RASGRF1: variants seen among roughly 807,000 people sequenced by gnomAD.
RASGRF1 encodes the protein ras-specific guanine nucleotide-releasing factor 1.
RASGRF1 carries 40 observed loss-of-function variants against 138.7 expected under a neutral mutation model. The observed-to-expected ratio is 0.29, with a 90% confidence interval of 0.22 to 0.38. The LOEUF (loss-of-function observed/expected upper bound fraction) is 0.38, where lower values mean the gene tolerates loss of function less well. Among genes scored for constraint, RASGRF1 ranks in the 10% least tolerant of loss-of-function variants. The pLI is 1.00. For synonymous variants in RASGRF1, 614 were observed against 663.2 expected (o/e 0.93, Z 1.14); for missense variants, 1,108 against 1,650.4 (o/e 0.67, Z 5.69).
rs544216078 is a variant in RASGRF1, at chr15:79,022,223, T to C, written c.1543-2119A>G. On this transcript the variant is annotated intron_variant, in intron 10 of 26. Coordinates refer to ENST00000558480, the MANE Select transcript of RASGRF1 (RefSeq NM_001145648.3). ...GGGAGGCTGAGGCTGGTGGATCACC[T>C]GAGGTCAGGAGTTTGAGACCAGCCT... Among the ~76,000 whole-genome samples the C allele has an allele frequency of 2.0e-5, 3 of 152,214 alleles. No individual in the cohort carries two copies. In the South Asian group the frequency reaches 6.2e-4, roughly 32 times the overall value.
chr15:79,002,432 A>G (rs969365996), intron 15 of RASGRF1, among the ~76,000 whole-genome samples: 1 of 152,198 alleles, frequency 6.6e-6, no homozygotes, highest in Non-Finnish European at 1.5e-5. Context: ...TTACCCACGT[A>G]GAAAGTGGAT....
intron 15 of RASGRF1, among the ~76,000 whole-genome samples, chr15:79,002,082 G>A (rs1216137044): frequency 6.6e-6 from 1 of 152,206 alleles, no homozygotes; most frequent in East Asian, 1.9e-4. Flanking sequence ...GGGGTCTCAG[G>A]CAGGGCCTGA....
intron 1 of RASGRF1, among the ~76,000 whole-genome samples, chr15:79,069,485 G>A (rs2057726037): frequency 6.6e-6 from 1 of 152,202 alleles, no homozygotes; most frequent in African/African-American, 2.4e-5. Context: ...AATAAGTGGA[G>A]CCCTGGGAGT....
intron 23 of RASGRF1, chr15:78,981,427 T>A (rs114048709): frequency 0.041 from 6,302 of 152,198 alleles, 211 homozygotes; most frequent in African/African-American, 0.078. Flanking sequence ...AATGGTGAGA[T>A]AGGTTAGAGA....
rs2055554514 is a variant in RASGRF1, at chr15:78,962,064, TC to T, written c.*79del. 2.3e-6 allele frequency: 2 copies of T among 870,506 alleles called. No individual in the cohort carries two copies. The highest frequency in any genetic ancestry group is 2.7e-4 in the Middle Eastern group (1 of 3,760). The allele number at this position is 870,506 out of a possible 1,614,324, so 53.9% of individuals were successfully genotyped here. A position where few individuals can be genotyped will look rare whatever the true frequency, so the allele number is the denominator to read the frequency against. On this transcript the variant is annotated 3_prime_UTR_variant, in exon 27 of 27. Transcript: ENST00000558480. ...GAGAAGCACATACTGAAGAAGAAAA[TC>T]CAGTGAAACCAAACGAATATGTACA...
At chr15:79,044,052 C>T (rs1412798746) in intron 5 of RASGRF1, among the ~76,000 whole-genome samples, 2 of 152,208 alleles carry the variant, frequency 1.3e-5, no homozygotes, top group African/African-American at 4.8e-5. Context: ...ATGTGCTGGG[C>T]AGTCATGCCT....
At chr15:78,982,391 G>A (rs562614429) in intron 23 of RASGRF1, among the ~76,000 whole-genome samples, 1 of 152,144 alleles carries the variant, frequency 6.6e-6, no homozygotes, top group East Asian at 1.9e-4. Context: ...TTGTCATGCT[G>A]TCTCCAGGAA....
intron 26 of RASGRF1, among the ~76,000 whole-genome samples, chr15:78,969,607 T>G (rs1350059501): frequency 6.6e-6 from 1 of 152,008 alleles, no homozygotes; most frequent in Non-Finnish European, 1.5e-5. Context: ...AGGCAGAGGT[T>G]GCAGTGAACT....
At chr15:79,076,222 G>A (rs184524009) in intron 1 of RASGRF1, among the ~76,000 whole-genome samples, 6 of 144,610 alleles carry the variant, frequency 4.1e-5, no homozygotes, top group South Asian at 2.4e-4. Context: ...ACACATTAGC[G>A]ATGTCTGGGA....
At chr15:79,075,691 T>A (rs1243168489) in intron 1 of RASGRF1, among the ~76,000 whole-genome samples, 1 of 151,886 alleles carries the variant, frequency 6.6e-6, no homozygotes, top group Admixed American at 6.6e-5. Flanking sequence ...TTCCTGGGGG[T>A]GTGGCACTTT....
At chr15:79,035,082 C>T (rs757165255) in intron 6 of RASGRF1, 49 bp downstream of exon 6, 13 of 1,512,882 alleles carry the variant, frequency 8.6e-6, no homozygotes, top group Non-Finnish European at 7.2e-6. Context: ...TTGGGGTGGC[C>T]CCTGGAGGGG....
Position 78,995,916 on chromosome 15 carries a change from A to G in RASGRF1, c.2967-116T>C, listed in dbSNP as rs2056382565. ...ACGCCCCTCTGTCCTCGTCATCCCC[A>G]TTGCCAGGAGCACCCTTTCCCCTTC... On this transcript the variant is annotated intron_variant, in intron 19 of 26. Coordinates refer to ENST00000558480, the MANE Select transcript of RASGRF1 (RefSeq NM_001145648.3). 4.2e-6 allele frequency: 4 copies of G among 954,756 alleles called. No individual in the cohort carries two copies. In the South Asian group the frequency reaches 5.6e-5, roughly 13 times the overall value. The allele number at this position is 954,756 out of a possible 1,614,324, so 59.1% of individuals were successfully genotyped here.
At chr15:79,010,915 C>A (rs1198276212) in intron 13 of RASGRF1, among the ~76,000 whole-genome samples, 2 of 152,172 alleles carry the variant, frequency 1.3e-5, no homozygotes, top group Non-Finnish European at 2.9e-5. Flanking sequence ...ATGTTAGGGG[C>A]TGGTGGGAGT....
In RASGRF1 at chr15:78,975,109, G is replaced by A. The variant is rs146806095; in HGVS notation, c.3495-1689C>T. 2.4e-3 allele frequency among the ~76,000 whole-genome samples: 360 copies of A among 152,258 alleles called. 3 individuals carry two copies. Among genetic ancestry groups the A allele is most frequent in the African/African-American group, 8.0e-3 (334 of 41,552 alleles). On this transcript the variant is annotated intron_variant, in intron 24 of 26. Transcript: ENST00000558480. ...AATTTTTAAAAAGTGAAAAAGGGCCGAGTGGTGGCTCACTCCTGTAATCCC... is the reference window on the plus strand; with the variant it reads ...AATTTTTAAAAAGTGAAAAAGGGCCAAGTGGTGGCTCACTCCTGTAATCCC...
chr15:79,058,860 G>C (rs1226667034), intron 2 of RASGRF1, among the ~76,000 whole-genome samples: 1 of 152,212 alleles, frequency 6.6e-6, no homozygotes, highest in Non-Finnish European at 1.5e-5. Context: ...AGGTTTTTAA[G>C]TTTTTCCAAC....
chr15:79,025,929 A>T (rs1318036477), intron 9 of RASGRF1, among the ~76,000 whole-genome samples: 3 of 84,470 alleles, frequency 3.6e-5, no homozygotes, highest in African/African-American at 9.2e-5. Flanking sequence ...TAAGATTTAA[A>T]AAAAAAAAAA....
At chr15:78,971,983 C>T in intron 25 of RASGRF1, 49 bp from the exon 26 acceptor site, 1 of 1,484,834 alleles carries the variant, frequency 6.7e-7, no homozygotes. Context: ...CTCCTAGTTC[C>T]ACCCCCAACT....
At chr15:78,971,311 G>A (rs1043976611) in intron 26 of RASGRF1, among the ~76,000 whole-genome samples, 3 of 152,200 alleles carry the variant, frequency 2.0e-5, no homozygotes, top group African/African-American at 7.2e-5. Flanking sequence ...TTTCTCTGCA[G>A]CTGTAAGAAA....
intron 3 of RASGRF1, among the ~76,000 whole-genome samples, chr15:79,055,382 CA>C (rs2057497174): frequency 6.6e-6 from 1 of 152,030 alleles, no homozygotes; most frequent in Admixed American, 6.6e-5. Context: ...GTGTGTATAT[CA>C]GGGGGACAGA....
Sources: gnomAD v4.1 joint callset for allele counts (sites outside exome capture counted in the v4.1 genomes callset) on GRCh38, gnomAD v4.1.1 for gene constraint, MANE v1.5 for transcripts, NCBI Gene and HGNC (gene_info 2026-07-23, HGNC 2026-07-21) for gene names.